Variants in MCF2L2 observed in about 807,000 individuals in gnomAD.
MCF2L2 encodes the protein probable guanine nucleotide exchange factor MCF2L2.
A neutral mutation model predicts 150.2 loss-of-function variants in MCF2L2; 102 were observed. That is an observed-to-expected ratio of 0.68 (90% CI 0.58 to 0.80). The LOEUF (loss-of-function observed/expected upper bound fraction) is 0.80. MCF2L2 is among the 30% of genes least tolerant of loss of function. The pLI is 0.00. For missense variants in MCF2L2, 1,256 were observed against 1,372.8 expected (o/e 0.91, Z 1.34); for synonymous variants, 465 against 491.3 (o/e 0.95, Z 0.71).
chr3:183,349,401 G>A (rs990170123), intron 3 of MCF2L2, among the ~76,000 whole-genome samples: 5 of 151,890 alleles, frequency 3.3e-5, no homozygotes, highest in South Asian at 2.1e-4. Flanking sequence ...GTTATTGCTC[G>A]GTAAAAATGT....
intron 22 of MCF2L2, 113 bp downstream of exon 22, chr3:183,215,856 G>T: frequency 7.6e-7 from 1 of 1,311,678 alleles, no homozygotes; most frequent in Non-Finnish European, 1.0e-6. Context: ...TGTCCTCAGA[G>T]TCCAATTCCT....
intron 3 of MCF2L2, among the ~76,000 whole-genome samples, chr3:183,359,003 G>GTTTTT (rs111465269): frequency 0.026 from 3,777 of 143,320 alleles, 179 homozygotes; most frequent in African/African-American, 0.091. Flanking sequence ...AGTTCATTGG[G>GTTTTT]TTTTTTTTTT....
intron 13 of MCF2L2, among the ~76,000 whole-genome samples, chr3:183,294,510 C>T (rs1281028470): frequency 6.7e-6 from 1 of 149,330 alleles, no homozygotes; most frequent in Non-Finnish European, 1.5e-5. Context: ...CGCCACCATG[C>T]CCAGGCTAAT....
intron 9 of MCF2L2, chr3:183,310,710 C>A: frequency 1.8e-6 from 1 of 549,962 alleles, no homozygotes; most frequent in South Asian, 2.3e-5. Flanking sequence ...TGTACATCAA[C>A]AGGTAAATGG....
At chr3:183,326,356 G>A (rs1454241683) in intron 5 of MCF2L2, among the ~76,000 whole-genome samples, 4 of 151,884 alleles carry the variant, frequency 2.6e-5, no homozygotes, top group Non-Finnish European at 5.9e-5. Context: ...GCCGGGCATG[G>A]TGGTGGGTGC....
chr3:183,375,020 TACA>T (rs988547255), intron 3 of MCF2L2: 4 of 152,226 alleles, frequency 2.6e-5, no homozygotes, highest in African/African-American at 9.6e-5. Context: ...CTAAGGATAC[TACA>T]ACAACAGAAA....
intron 7 of MCF2L2, among the ~76,000 whole-genome samples, chr3:183,317,411 G>A (rs1168461429): frequency 1.3e-5 from 2 of 152,032 alleles, no homozygotes; most frequent in Non-Finnish European, 1.5e-5. Flanking sequence ...GAGAAGCCCC[G>A]GGAAGATTTC....
chr3:183,192,096 G>A (rs534795593), intron 27 of MCF2L2, among the ~76,000 whole-genome samples: 89 of 149,342 alleles, frequency 6.0e-4, no homozygotes, highest in African/African-American at 2.1e-3. Flanking sequence ...TGATCCTCCC[G>A]CCTCAGCCTC....
chr3:183,189,562 A>G (rs1721806911), intron 27 of MCF2L2, among the ~76,000 whole-genome samples: 1 of 152,156 alleles, frequency 6.6e-6, no homozygotes, highest in African/African-American at 2.4e-5. Flanking sequence ...TGGCATGAGG[A>G]ATCCTATCTC....
chr3:183,218,726 C>T (rs1437874852), intron 21 of MCF2L2, among the ~76,000 whole-genome samples: 1 of 152,152 alleles, frequency 6.6e-6, no homozygotes, highest in Non-Finnish European at 1.5e-5. Flanking sequence ...AGTTTCCTTT[C>T]AGATCCTCAC....
intron 13 of MCF2L2, among the ~76,000 whole-genome samples, chr3:183,289,979 T>G (rs1374109686): frequency 6.6e-6 from 1 of 152,268 alleles, no homozygotes; most frequent in African/African-American, 2.4e-5. Context: ...AGCATAATGT[T>G]GCACTTGATG....
intron 4 of MCF2L2, among the ~76,000 whole-genome samples, chr3:183,341,072 A>G (rs888912245): frequency 5.9e-5 from 9 of 152,356 alleles, no homozygotes; most frequent in African/African-American, 2.2e-4. Flanking sequence ...CGAATGAGGG[A>G]GCAGGGAGGA....
In MCF2L2 at chr3:183,253,644, C is replaced by G. The variant is rs199578313; in HGVS notation, c.1863-22627G>C. 3.9e-5 allele frequency: 6 copies of G among 152,444 alleles called. No homozygotes were observed. In the East Asian group the frequency reaches 9.7e-4, roughly 25 times the overall value. The allele number at this position is 152,444 out of a possible 1,614,324, so 9.4% of individuals were successfully genotyped here. ...ACCAGAAACCTTTTAACAAGACCCG[C>G]CTGAGCCTGCGTTAGAGCTCCCGCT... On this transcript the variant is annotated intron_variant, in intron 15 of 29. Coordinates refer to ENST00000328913, the MANE Select transcript of MCF2L2 (RefSeq NM_015078.4).
intron 21 of MCF2L2, among the ~76,000 whole-genome samples, chr3:183,216,882 G>A (rs1234196307): frequency 6.6e-6 from 1 of 151,468 alleles, no homozygotes; most frequent in East Asian, 1.9e-4. Flanking sequence ...TGGGATTACA[G>A]GCGTAAGCCA....
At chr3:183,376,386 G>A (rs970089284) in intron 3 of MCF2L2, 7 of 152,190 alleles carry the variant, frequency 4.6e-5, no homozygotes, top group African/African-American at 1.7e-4. Flanking sequence ...TAAGGAGAAT[G>A]GGGACAGGGG....
At chr3:183,211,537 A>C (rs908212243) in intron 22 of MCF2L2, among the ~76,000 whole-genome samples, 2 of 152,178 alleles carry the variant, frequency 1.3e-5, no homozygotes, top group Non-Finnish European at 2.9e-5. Context: ...AAGGGCAGGC[A>C]CACACACTGT....
At chr3:183,230,204 C>T (rs951925344) in intron 16 of MCF2L2, among the ~76,000 whole-genome samples, 1 of 152,112 alleles carries the variant, frequency 6.6e-6, no homozygotes, top group Non-Finnish European at 1.5e-5. Flanking sequence ...ACCTCCGCCT[C>T]CTGGGTTCAA....
In MCF2L2 at chr3:183,227,251, T is replaced by C. The variant is rs548383884; in HGVS notation, c.2115+1046A>G. Reference sequence around the variant, plus strand: ...TGTCCTAGAAAGTACCTGGTGGGGATTGATGTTGGGTGGAACATTTCTCTG... The same window carrying C: ...TGTCCTAGAAAGTACCTGGTGGGGACTGATGTTGGGTGGAACATTTCTCTG... On this transcript the variant is annotated intron_variant, in intron 18 of 29. Coordinates refer to ENST00000328913, the MANE Select transcript of MCF2L2 (RefSeq NM_015078.4). This position sits in a 1 kb window ranked among gnomAD's most constrained non-coding sequence, Gnocchi z 4.0. 1.3e-5 allele frequency: 2 copies of C among 152,122 alleles called. No individual in the cohort carries two copies. The highest frequency in any genetic ancestry group is 2.9e-5 in the Non-Finnish European group (2 of 68,052). The allele number at this position is 152,122 out of a possible 1,614,324, so 9.4% of individuals were successfully genotyped here.
intron 27 of MCF2L2, among the ~76,000 whole-genome samples, chr3:183,190,342 G>T (rs1199951476): frequency 6.6e-6 from 1 of 152,168 alleles, no homozygotes; most frequent in Non-Finnish European, 1.5e-5. Context: ...TGGCCATTTG[G>T]CCTGCAGTGA....
Sources: allele counts gnomAD v4.1 joint callset (sites outside exome capture counted in the v4.1 genomes callset), GRCh38; gene constraint gnomAD v4.1.1; non-coding constraint Gnocchi (gnomAD v3.1); transcripts MANE v1.5; gene names NCBI Gene and HGNC (gene_info 2026-07-23, HGNC 2026-07-21).